CEP83: variants seen among roughly 807,000 people sequenced by gnomAD.
The protein encoded by CEP83 is centrosomal protein of 83 kDa.
In CEP83, 70 loss-of-function variants were observed where a neutral mutation model predicts 101.9. That is an observed-to-expected ratio of 0.69 (90% CI 0.57 to 0.84). CEP83 has a LOEUF of 0.84. Ranked by LOEUF, CEP83 falls within the 40% of genes least tolerant of loss-of-function variation. The pLI, the probability that CEP83 is intolerant of heterozygous loss-of-function variation, is 0.00. For missense variants in CEP83, 715 were observed against 787.2 expected, an observed-to-expected ratio of 0.91 and a Z score of 1.10; for synonymous variants, 264 against 267.9, an observed-to-expected ratio of 0.99 and a Z score of 0.14.
chr12:94,453,796 C>G (rs1177571779), intron 1 of CEP83, among the ~76,000 whole-genome samples: 1 of 152,150 alleles, frequency 6.6e-6, no homozygotes, highest in African/African-American at 2.4e-5. Flanking sequence ...CAATTCTCTT[C>G]CCACAAAATT....
intron 2 of CEP83, among the ~76,000 whole-genome samples, chr12:94,416,552 A>G (rs1258393813): frequency 1.6e-5 from 1 of 61,644 alleles, no homozygotes; most frequent in East Asian, 2.6e-4. Context: ...CAAATACCAT[A>G]CACACACACA....
At chr12:94,453,111 C>G (rs1397927682) in intron 1 of CEP83, among the ~76,000 whole-genome samples, 1 of 152,136 alleles carries the variant, frequency 6.6e-6, no homozygotes, top group East Asian at 1.9e-4. Flanking sequence ...ATGTGATGTG[C>G]ATTCTTTCTT....
In CEP83 at chr12:94,310,048, C is replaced by A. The variant is rs1969605739; in HGVS notation, c.1871G>T (p.Arg624Ile). The change falls in exon 16 of 17, where the codon AGA becomes ATA. Residue 624 changes from arginine to isoleucine, a missense_variant. By Grantham distance (97) the Arg-to-Ile change is moderately conservative. Transcript: ENST00000397809. ...RLQKRLKDIQ[R>I]RHNEFRSLIL... ...TAGACTTCGAAATTCATTATGTCTT[C>A]TCTGTATATCTTTTAGTCTTTTTTG... 1.9e-6 allele frequency: 3 copies of A among 1,606,062 alleles called. No homozygotes were observed. The highest frequency in any genetic ancestry group is 4.5e-5 in the East Asian group (2 of 44,784).
At chr12:94,334,734 G>A (rs1043511638) in intron 12 of CEP83, among the ~76,000 whole-genome samples, 3 of 151,972 alleles carry the variant, frequency 2.0e-5, no homozygotes, top group Admixed American at 1.3e-4. Context: ...AAAACTAAAC[G>A]GTATGTCTCA....
chr12:94,409,255 CAAAT>C (rs1015764098), intron 4 of CEP83, among the ~76,000 whole-genome samples: 2 of 151,512 alleles, frequency 1.3e-5, no homozygotes, highest in African/African-American at 4.9e-5. Context: ...TTATTTTTGC[CAAAT>C]AAATATCACA....
chr12:94,434,355 T>C (rs2065851817), intron 2 of CEP83, among the ~76,000 whole-genome samples: 1 of 152,114 alleles, frequency 6.6e-6, no homozygotes, highest in Non-Finnish European at 1.5e-5. Flanking sequence ...ATAACGCAAA[T>C]GTTTACATGG....
chr12:94,350,491 T>C (rs776259472), intron 11 of CEP83, among the ~76,000 whole-genome samples: 47 of 151,988 alleles, frequency 3.1e-4, no homozygotes, highest in Non-Finnish European at 5.9e-4. Flanking sequence ...TTAAAATAGA[T>C]CAAAGGACTA....
intron 11 of CEP83, among the ~76,000 whole-genome samples, chr12:94,346,869 C>G (rs1046216110): frequency 6.6e-5 from 10 of 152,102 alleles, no homozygotes; most frequent in African/African-American, 1.4e-4. Flanking sequence ...GAAACCTTGT[C>G]TCTGCTAAAA....
chr12:94,424,841 C>T, intron 2 of CEP83: 1 of 1,599,324 alleles, frequency 6.3e-7, no homozygotes, highest in Non-Finnish European at 8.6e-7. Context: ...TCCACTACTG[C>T]TGTTAGGTGT....
intron 14 of CEP83, among the ~76,000 whole-genome samples, chr12:94,328,619 G>A (rs1019564383): frequency 3.3e-5 from 5 of 152,150 alleles, no homozygotes; most frequent in African/African-American, 2.4e-5. Flanking sequence ...TAATCTGATA[G>A]CCAAAATGGT....
At position 94,320,762 on chromosome 12, in the gene CEP83, T is replaced by C. The variant is rs74352929; in HGVS notation, c.1708-7745A>G. Reference sequence around the variant, plus strand: ...GAAGGGCTCCTGCTGAGAAGTCAGCTGTTATCCTGAGGGGGTTTCCTTTGT... The same window carrying C: ...GAAGGGCTCCTGCTGAGAAGTCAGCCGTTATCCTGAGGGGGTTTCCTTTGT... On this transcript the variant is annotated intron_variant, in intron 14 of 16. Coordinates refer to ENST00000397809, the MANE Select transcript of CEP83 (RefSeq NM_016122.3). 1.8e-3 allele frequency among the ~76,000 whole-genome samples: 275 copies of C among 152,322 alleles called. 1 individual carries two copies. The highest frequency in any genetic ancestry group is 6.4e-3 in the African/African-American group (266 of 41,578).
At chr12:94,319,894 T>G (rs1321485864) in intron 14 of CEP83, among the ~76,000 whole-genome samples, 1 of 152,190 alleles carries the variant, frequency 6.6e-6, no homozygotes, top group East Asian at 1.9e-4. Context: ...TAAGTTCACG[T>G]CCTGAATATC....
At chr12:94,343,120 C>CAT (rs140745114) in intron 11 of CEP83, among the ~76,000 whole-genome samples, 3,040 of 146,860 alleles carry the variant, frequency 0.021, 70 homozygotes, top group East Asian at 0.1. Context: ...TATAGAACTT[C>CAT]ATATATATAT....
chr12:94,393,286 C>T (rs535288344), intron 6 of CEP83, among the ~76,000 whole-genome samples: 32 of 152,176 alleles, frequency 2.1e-4, no homozygotes, highest in East Asian at 3.9e-4. Flanking sequence ...CATGATCAAG[C>T]GGGCTTCATC....
chr12:94,433,796 A>G (rs371239491), intron 2 of CEP83, among the ~76,000 whole-genome samples: 4 of 152,284 alleles, frequency 2.6e-5, no homozygotes, highest in African/African-American at 7.2e-5. Context: ...CACTAGTTAA[A>G]AGGCCTATCA....
rs557221501 is a variant in CEP83, at chr12:94,347,393, G to T, written c.1344-11729C>A. ...TCCAATTAGAATTATTATTAAGACT[G>T]AAAATAACAAGTGTCAGTAGGGATG... On this transcript the variant is annotated intron_variant, in intron 11 of 16. Coordinates refer to ENST00000397809, the MANE Select transcript of CEP83 (RefSeq NM_016122.3). 2.6e-5 allele frequency among the ~76,000 whole-genome samples: 4 copies of T among 152,198 alleles called. No individual in the cohort carries two copies. The South Asian group carries it at 6.2e-4, about 24-fold the overall frequency.
intron 11 of CEP83, among the ~76,000 whole-genome samples, chr12:94,367,178 C>G (rs1285077343): frequency 1.3e-5 from 2 of 151,784 alleles, no homozygotes; most frequent in East Asian, 3.9e-4. Context: ...TATATAAAGG[C>G]AAAATATGAG....
chr12:94,391,181 G>T (rs1380207943), intron 6 of CEP83, among the ~76,000 whole-genome samples: 1 of 152,082 alleles, frequency 6.6e-6, no homozygotes, highest in Non-Finnish European at 1.5e-5. Flanking sequence ...ATTTTCAGAT[G>T]CACCAAGGTT....
chr12:94,389,055 A>T (rs2062347981), intron 6 of CEP83, among the ~76,000 whole-genome samples: 1 of 152,210 alleles, frequency 6.6e-6, no homozygotes, highest in Non-Finnish European at 1.5e-5. Flanking sequence ...TAAACCAAGG[A>T]GGCAGAGGTT....
Sources: allele counts gnomAD v4.1 joint callset (sites outside exome capture counted in the v4.1 genomes callset), GRCh38; gene constraint gnomAD v4.1.1; transcripts MANE v1.5; gene names NCBI Gene and HGNC (gene_info 2026-07-23, HGNC 2026-07-21).